The following CYYR1 variants were observed in gnomAD, a reference collection of about 807,000 sequenced individuals.
CYYR1 encodes the protein cysteine and tyrosine rich 1.
CYYR1 carries 14 observed loss-of-function variants against 15.2 expected under a neutral mutation model. The observed-to-expected ratio is 0.92, with a 90% CI of 0.61 to 1.44. The LOEUF (loss-of-function observed/expected upper bound fraction) is 1.44. CYYR1 is among the 40% of genes most tolerant of loss of function. CYYR1 has a pLI of 0.00. For synonymous variants in CYYR1, 80 were observed against 77.4 expected (o/e 1.03, Z -0.18); for missense variants, 228 against 209.5 (o/e 1.09, Z -0.54).
intron 2 of CYYR1, among the ~76,000 whole-genome samples, chr21:26,482,053 C>T (rs1396626694): frequency 3.3e-5 from 5 of 151,956 alleles, no homozygotes; most frequent in African/African-American, 1.2e-4. Context: ...TCCTATTTCT[C>T]AATATTATTA....
chr21:26,520,686 A>G (rs2065792769), intron 2 of CYYR1, among the ~76,000 whole-genome samples: 1 of 152,206 alleles, frequency 6.6e-6, no homozygotes, highest in African/African-American at 2.4e-5. Context: ...ACGAATTTAC[A>G]TTCCCACCAA....
At chr21:26,491,562 G>A (rs2065328998) in intron 2 of CYYR1, among the ~76,000 whole-genome samples, 1 of 152,112 alleles carries the variant, frequency 6.6e-6, no homozygotes, top group Non-Finnish European at 1.5e-5. Flanking sequence ...CAATGACCTG[G>A]CAGAACAGCA....
intron 2 of CYYR1, among the ~76,000 whole-genome samples, chr21:26,502,184 A>G (rs1368837482): frequency 6.6e-6 from 1 of 152,230 alleles, no homozygotes; most frequent in African/African-American, 2.4e-5. Context: ...AAGGCAAAGT[A>G]CTAAAGACAA....
At chr21:26,518,611 T>C (rs1333497595) in intron 2 of CYYR1, 1 of 152,282 alleles carries the variant, frequency 6.6e-6, no homozygotes, top group Non-Finnish European at 1.5e-5. Flanking sequence ...GTCTGTTGTA[T>C]TCTGTCATAG....
At chr21:26,494,066 C>G (rs2065362123) in intron 2 of CYYR1, among the ~76,000 whole-genome samples, 1 of 152,156 alleles carries the variant, frequency 6.6e-6, no homozygotes. Flanking sequence ...CCATCCAGGT[C>G]TTTGTGCAGT....
intron 2 of CYYR1, among the ~76,000 whole-genome samples, chr21:26,484,489 T>G (rs547899809): frequency 6.6e-6 from 1 of 152,228 alleles, no homozygotes; most frequent in Admixed American, 6.5e-5. Context: ...GTGTTGCTAT[T>G]AGTAATTAAA....
At chr21:26,504,882 A>G (rs1263148044) in intron 2 of CYYR1, among the ~76,000 whole-genome samples, 1 of 152,018 alleles carries the variant, frequency 6.6e-6, no homozygotes, top group Non-Finnish European at 1.5e-5. Flanking sequence ...TGATTTTTAG[A>G]TCCCACAAAA....
intron 2 of CYYR1, among the ~76,000 whole-genome samples, chr21:26,552,702 TTCA>T (rs1280914745): frequency 2.0e-5 from 3 of 152,254 alleles, no homozygotes; most frequent in Non-Finnish European, 2.9e-5. Flanking sequence ...TACTTAACTC[TTCA>T]TCATCACCTA....
intron 3 of CYYR1, among the ~76,000 whole-genome samples, chr21:26,472,576 T>C (rs191887583): frequency 1.3e-5 from 2 of 152,156 alleles, no homozygotes; most frequent in African/African-American, 2.4e-5. Flanking sequence ...TCTTGTCCAC[T>C]GTTTGTTATT....
intron 2 of CYYR1, among the ~76,000 whole-genome samples, chr21:26,563,197 T>C (rs190859905): frequency 2.1e-4 from 32 of 152,154 alleles, no homozygotes; most frequent in Non-Finnish European, 1.5e-5. Context: ...AATCTTAAAA[T>C]TCCTAGCAGA....
At chr21:26,473,277 C>T (rs1475691093) in intron 3 of CYYR1, among the ~76,000 whole-genome samples, 5 of 152,082 alleles carry the variant, frequency 3.3e-5, no homozygotes, top group East Asian at 3.9e-4. Context: ...TCCTTAACCC[C>T]ACCCAGAACA....
At chr21:26,486,469 A>T (rs1380689726) in intron 2 of CYYR1, among the ~76,000 whole-genome samples, 1 of 152,034 alleles carries the variant, frequency 6.6e-6, no homozygotes. Flanking sequence ...GTTGAGGTTC[A>T]TTATTACCAG....
chr21:26,506,784 TG>T (rs1471706151), intron 2 of CYYR1: 1 of 152,114 alleles, frequency 6.6e-6, no homozygotes, highest in Non-Finnish European at 1.5e-5. Context: ...CCAATCTAGG[TG>T]GGTGCCCACT....
chr21:26,513,604 C>T (rs1425433434), intron 2 of CYYR1, among the ~76,000 whole-genome samples: 1 of 152,044 alleles, frequency 6.6e-6, no homozygotes, highest in Non-Finnish European at 1.5e-5. Flanking sequence ...CAAACCCTAT[C>T]AGTGAAGTTC....
chr21:26,476,306 A>G (rs1030370788), intron 3 of CYYR1, among the ~76,000 whole-genome samples: 2 of 152,128 alleles, frequency 1.3e-5, no homozygotes, highest in African/African-American at 4.8e-5. Flanking sequence ...TCAAAGGTCC[A>G]TGATCTTTAT....
At chr21:26,470,370 C>T (rs1262818020) in intron 3 of CYYR1, among the ~76,000 whole-genome samples, 1 of 152,090 alleles carries the variant, frequency 6.6e-6, no homozygotes, top group Non-Finnish European at 1.5e-5. Context: ...TATGGTTTGG[C>T]TCTGTGTCCC....
chr21:26,542,038 A>G (rs965631278), intron 2 of CYYR1, among the ~76,000 whole-genome samples: 3 of 152,192 alleles, frequency 2.0e-5, no homozygotes, highest in Non-Finnish European at 2.9e-5. Context: ...ATCCCACCAC[A>G]TCAGTAGGAA....
intron 3 of CYYR1, among the ~76,000 whole-genome samples, chr21:26,476,862 G>A (rs1007567631): frequency 1.3e-5 from 2 of 152,158 alleles, no homozygotes; most frequent in South Asian, 4.2e-4. Context: ...ACTTTCCTTT[G>A]TTAGCACTGA....
At chr21:26,512,364 A>C (rs185703055) in intron 2 of CYYR1, among the ~76,000 whole-genome samples, 3 of 151,766 alleles carry the variant, frequency 2.0e-5, no homozygotes, top group Admixed American at 6.6e-5. Flanking sequence ...ATGCCTGGCT[A>C]ATTTTTTTTT....
Sources: allele counts gnomAD v4.1 joint callset (sites outside exome capture counted in the v4.1 genomes callset), GRCh38; gene constraint gnomAD v4.1.1; transcripts MANE v1.5; gene names NCBI Gene and HGNC (gene_info 2026-07-23, HGNC 2026-07-21).